Variants in TNNI3K observed in about 807,000 individuals in gnomAD.
TNNI3K encodes the protein serine/threonine-protein kinase TNNI3K.
TNNI3K carries 140 observed loss-of-function variants against 114.5 expected under a neutral mutation model. That is an observed-to-expected ratio of 1.22 (90% CI 1.07 to 1.41). TNNI3K has a LOEUF of 1.41. Ranked by LOEUF, TNNI3K falls within the 40% of genes most tolerant of loss-of-function variation. The probability of loss-of-function intolerance (pLI) is 0.00; values close to 1 mark genes in which losing one functional copy is unlikely to be tolerated. For synonymous variants in TNNI3K, 347 were observed against 347.5 expected (o/e 1.00, Z 0.02); for missense variants, 1,125 against 1,007.6 (o/e 1.12, Z -1.58).
chr1:74,507,556 A>G (rs1264797389), intron 23 of TNNI3K, among the ~76,000 whole-genome samples: 1 of 152,178 alleles, frequency 6.6e-6, no homozygotes, highest in South Asian at 2.1e-4. Context: ...ATATATGTGT[A>G]TTGAATGAAT....
intron 23 of TNNI3K, among the ~76,000 whole-genome samples, chr1:74,528,895 G>C (rs985823346): frequency 6.6e-6 from 1 of 152,124 alleles, no homozygotes; most frequent in Non-Finnish European, 1.5e-5. Flanking sequence ...GCTGACACAA[G>C]GAAGGTACAA....
intron 17 of TNNI3K, among the ~76,000 whole-genome samples, chr1:74,423,800 A>G (rs1665505746): frequency 6.6e-6 from 1 of 152,118 alleles, no homozygotes; most frequent in African/African-American, 2.4e-5. Flanking sequence ...CCTTCTTCAT[A>G]TGTAAAATTG....
At chr1:74,376,772 A>G (rs1662925135) in intron 17 of TNNI3K, 1 of 151,924 alleles carries the variant, frequency 6.6e-6, no homozygotes, top group African/African-American at 2.4e-5. Context: ...CATAGAGCCT[A>G]AGGAAGCATT....
intron 5 of TNNI3K, among the ~76,000 whole-genome samples, chr1:74,305,988 A>G (rs1029854224): frequency 2.0e-5 from 3 of 152,150 alleles, no homozygotes; most frequent in African/African-American, 7.2e-5. Flanking sequence ...GAACGTAGGT[A>G]GTTGTTCAGC....
At chr1:74,418,018 A>G (rs1464829779) in intron 17 of TNNI3K, 1 of 235,358 alleles carries the variant, frequency 4.2e-6, no homozygotes, top group Non-Finnish European at 8.7e-6. Context: ...TATTTGGGGC[A>G]CATTGCATCC....
chr1:74,512,186 G>A (rs1040070), intron 23 of TNNI3K, among the ~76,000 whole-genome samples: 77 of 152,114 alleles, frequency 5.1e-4, no homozygotes, highest in African/African-American at 1.7e-3. Context: ...CCATAAAGGG[G>A]CATGATTTCT....
intron 23 of TNNI3K, among the ~76,000 whole-genome samples, chr1:74,509,385 T>C (rs1670065163): frequency 6.6e-6 from 1 of 152,228 alleles, no homozygotes; most frequent in Non-Finnish European, 1.5e-5. Context: ...CAATTGTGAA[T>C]GTGGCTGCTG....
chr1:74,334,728 C>G (rs1397092620), intron 6 of TNNI3K, among the ~76,000 whole-genome samples: 1 of 152,130 alleles, frequency 6.6e-6, no homozygotes, highest in Non-Finnish European at 1.5e-5. Flanking sequence ...GTTTCTATCT[C>G]CAGTTCACTC....
chr1:74,494,531 A>C (rs2100315159), intron 23 of TNNI3K, among the ~76,000 whole-genome samples: 1 of 152,332 alleles, frequency 6.6e-6, no homozygotes, highest in African/African-American at 2.4e-5. Flanking sequence ...AGATTTGGTC[A>C]CATCATCATC....
At chr1:74,363,958 G>T (rs1157072592) in intron 11 of TNNI3K, among the ~76,000 whole-genome samples, 1 of 136,644 alleles carries the variant, frequency 7.3e-6, no homozygotes, top group Non-Finnish European at 1.5e-5. Flanking sequence ...CTCTAGCAAG[G>T]AACAGATGAG....
chr1:74,236,373 C>T (rs1025166958), intron 2 of TNNI3K, among the ~76,000 whole-genome samples, 163 bp downstream of exon 2: 1 of 151,642 alleles, frequency 6.6e-6, no homozygotes, highest in Non-Finnish European at 1.5e-5. Context: ...ACTCATATAG[C>T]TCTCAAAATG....
intron 21 of TNNI3K, among the ~76,000 whole-genome samples, chr1:74,476,170 G>A (rs1451209943): frequency 2.6e-5 from 4 of 152,128 alleles, no homozygotes; most frequent in Non-Finnish European, 5.9e-5. Flanking sequence ...ATAATAGAGT[G>A]AATGACTTCT....
intron 4 of TNNI3K, among the ~76,000 whole-genome samples, chr1:74,265,882 T>A (rs1009110822): frequency 3.3e-5 from 4 of 122,230 alleles, no homozygotes; most frequent in South Asian, 3.1e-4. Flanking sequence ...CACAAACATA[T>A]GTACATAGGA....
At chr1:74,484,503 A>G (rs1668655448) in intron 21 of TNNI3K, among the ~76,000 whole-genome samples, 1 of 152,200 alleles carries the variant, frequency 6.6e-6, no homozygotes, top group African/African-American at 2.4e-5. Context: ...ATGCTCTAGA[A>G]TAAATAAAAC....
chr1:74,326,512 T>C (rs973546954), intron 5 of TNNI3K, among the ~76,000 whole-genome samples: 1 of 152,322 alleles, frequency 6.6e-6, no homozygotes, highest in South Asian at 2.1e-4. Context: ...ATTTTAGTTA[T>C]AAGGATTAAA....
intron 7 of TNNI3K, among the ~76,000 whole-genome samples, chr1:74,337,145 C>G (rs541856184): frequency 1.3e-5 from 2 of 152,054 alleles, no homozygotes; most frequent in Non-Finnish European, 2.9e-5. Flanking sequence ...GCATAAATGT[C>G]TTCTTTTGAG....
At chr1:74,425,957 A>G (rs189049068) in intron 17 of TNNI3K, among the ~76,000 whole-genome samples, 83 of 152,174 alleles carry the variant, frequency 5.5e-4, no homozygotes, top group African/African-American at 1.9e-3. Context: ...TGAAAAAAAT[A>G]AACAGCTTCT....
At chr1:74,498,768 T>G (rs188813509) in intron 23 of TNNI3K, among the ~76,000 whole-genome samples, 2 of 152,168 alleles carry the variant, frequency 1.3e-5, no homozygotes, top group Non-Finnish European at 2.9e-5. Context: ...TATATTTCTT[T>G]TTTAATTACT....
intron 20 of TNNI3K, among the ~76,000 whole-genome samples, chr1:74,442,278 A>G (rs1666408894): frequency 6.6e-6 from 1 of 152,002 alleles, no homozygotes; most frequent in African/African-American, 2.4e-5. Flanking sequence ...AGTTGACCAT[A>G]TATGTATGCA....
Sources: gnomAD v4.1 joint callset for allele counts (sites outside exome capture counted in the v4.1 genomes callset) on GRCh38, gnomAD v4.1.1 for gene constraint, MANE v1.5 for transcripts, NCBI Gene and HGNC (gene_info 2026-07-23, HGNC 2026-07-21) for gene names.